MGME1: variants seen among roughly 807,000 people sequenced by gnomAD.
MGME1 encodes chromosome 20 open reading frame 72.
A neutral mutation model predicts 33.0 loss-of-function variants in MGME1; 22 were observed. That is an observed-to-expected ratio of 0.67 (90% CI 0.48 to 0.95). The LOEUF is 0.95. MGME1 is among the 40% of genes least tolerant of loss of function. The pLI, the probability that MGME1 is intolerant of heterozygous loss-of-function variation, is 0.00. For missense variants in MGME1, 383 were observed against 397.8 expected (o/e 0.96, Z 0.32); for synonymous variants, 133 against 144.0 (o/e 0.92, Z 0.55).
chr20:17,982,399 C>T (rs868637702), intron 3 of MGME1, among the ~76,000 whole-genome samples: 49 of 152,240 alleles, frequency 3.2e-4, no homozygotes, highest in Non-Finnish European at 6.0e-4. Flanking sequence ...GGATTACAGA[C>T]ATGAGCCACC....
At chr20:17,982,657 T>C (rs968016129) in intron 3 of MGME1, among the ~76,000 whole-genome samples, 1 of 152,218 alleles carries the variant, frequency 6.6e-6, no homozygotes, top group Non-Finnish European at 1.5e-5. Context: ...TTTGATAACA[T>C]TGTATTTTTA....
chr20:17,974,409 C>T (rs2035808258), intron 2 of MGME1, among the ~76,000 whole-genome samples: 2 of 152,090 alleles, frequency 1.3e-5, no homozygotes, highest in Admixed American at 1.3e-4. Flanking sequence ...GCTTACTATG[C>T]AAGCGCTTGG....
intron 2 of MGME1, chr20:17,972,860 T>A: frequency 1.3e-6 from 1 of 758,418 alleles, no homozygotes; most frequent in African/African-American, 1.9e-5. Flanking sequence ...AGTGTGTAGA[T>A]GAATGCTATA....
At chr20:17,977,234 G>A (rs1455944532) in intron 3 of MGME1, among the ~76,000 whole-genome samples, 1 of 151,902 alleles carries the variant, frequency 6.6e-6, no homozygotes, top group Admixed American at 6.6e-5. Flanking sequence ...AAATTAGCCA[G>A]GCGCAGTGGT....
intron 3 of MGME1, among the ~76,000 whole-genome samples, chr20:17,984,839 C>T (rs559702809): frequency 1.3e-5 from 2 of 151,524 alleles, no homozygotes; most frequent in African/African-American, 4.8e-5. Flanking sequence ...AGTTCGAGAC[C>T]AGCCTAGGCA....
intron 2 of MGME1, among the ~76,000 whole-genome samples, chr20:17,974,400 C>T (rs1481311135): frequency 6.6e-6 from 1 of 152,150 alleles, no homozygotes; most frequent in Non-Finnish European, 1.5e-5. Context: ...GAGGAGGGGG[C>T]TTACTATGCA....
chr20:17,977,127 G>A (rs2035889875), intron 3 of MGME1, among the ~76,000 whole-genome samples: 1 of 152,008 alleles, frequency 6.6e-6, no homozygotes, highest in Non-Finnish European at 1.5e-5. Flanking sequence ...TGTAATCCCA[G>A]CACTTTGGGA....
intron 3 of MGME1, among the ~76,000 whole-genome samples, chr20:17,984,683 C>G (rs557416712): frequency 6.6e-6 from 1 of 151,948 alleles, no homozygotes; most frequent in East Asian, 1.9e-4. Flanking sequence ...TAGTTTTTAA[C>G]AAAGGTTTAA....
At position 17,990,410 on chromosome 20, in the gene MGME1, T is replaced by TGGGGGGGGGGGGGGGGGGGGG. The variant is rs537608341; in HGVS notation, c.*314_*315insGGGGGGGGGGGGGGGGGGGGG. ...ACTCTTGTACTCCCTTGAGGGACAT[T>TGGGGGGGGGGGGGGGGGGGGG]GGGGGGGGGGGGGCGTGGTCCCAGG... is the stretch of plus-strand genomic sequence containing the variant. On this transcript the variant is annotated 3_prime_UTR_variant, in exon 5 of 5. Transcript: ENST00000377710. The TGGGGGGGGGGGGGGGGGGGGG allele has an allele frequency of 2.2e-5, 1 of 44,504 alleles. No homozygotes were observed. The highest frequency in any genetic ancestry group is 1.4e-4 in the African/African-American group (1 of 7,190). The allele number at this position is 44,504 out of a possible 1,614,324, so 2.8% of individuals were successfully genotyped here. A position where few individuals can be genotyped will look rare whatever the true frequency, so the allele number is the denominator to read the frequency against.
rs777779049 is a variant in MGME1, at chr20:17,990,197, C to T, written c.*88C>T. 1 of 1,124,740 alleles carries T rather than the reference C, an allele frequency of 8.9e-7. No individual in the cohort carries two copies. The highest frequency in any genetic ancestry group is 1.6e-5 in the African/African-American group (1 of 64,478). 69.7% of individuals were successfully genotyped at this position (1,124,740 alleles called of 1,614,324 possible). On this transcript the variant is annotated 3_prime_UTR_variant, in exon 5 of 5. Coordinates refer to ENST00000377710, the MANE Select transcript of MGME1 (RefSeq NM_052865.4). ...TTTACTCCAGTGTAAAAATGAGGTG[C>T]CACTGGATCTGAGTGCTACACGAAC...
chr20:17,973,494 AT>A (rs1206348716), intron 2 of MGME1, among the ~76,000 whole-genome samples: 2 of 152,006 alleles, frequency 1.3e-5, no homozygotes, highest in South Asian at 2.1e-4. Flanking sequence ...CAAAAAAAAA[AT>A]TTTTTTGAAT....
intron 3 of MGME1, among the ~76,000 whole-genome samples, chr20:17,985,486 GAAGA>G (rs1459071895): frequency 1.3e-5 from 2 of 152,190 alleles, no homozygotes; most frequent in Non-Finnish European, 2.9e-5. Context: ...ATGTATTATT[GAAGA>G]AAGAAAAACG....
chr20:17,988,218 A>G lies in MGME1; in HGVS notation c.784A>G (p.Ile262Val). 9.3e-6 allele frequency: 15 copies of G among 1,614,174 alleles called. No individual in the cohort carries two copies. Among genetic ancestry groups the G allele is most frequent in the Non-Finnish European group, 1.3e-5 (15 of 1,180,004 alleles). Residue 262 changes from isoleucine to valine, a missense_variant, in exon 4 of 5, where the codon ATT becomes GTT. Physicochemically the swap from Ile to Val is conservative, Grantham distance 29 (BLOSUM62 3). Coordinates refer to ENST00000377710, the MANE Select transcript of MGME1 (RefSeq NM_052865.4). ...WKTSEKPKPF[I>V]QSTFDNPLQV... ...GACATCAGAGAAACCAAAGCCTTTT[A>G]TTCAAAGTACATTTGACAACCCACT...
Position 17,975,621 on chromosome 20 carries a change from T to C in MGME1, c.512-63T>C, listed in dbSNP as rs2035844475. 3.3e-6 allele frequency: 4 copies of C among 1,212,278 alleles called. No homozygotes were observed. The African/African-American group carries it at 6.1e-5, about 19-fold the overall frequency. The allele number at this position is 1,212,278 out of a possible 1,614,324, so 75.1% of individuals were successfully genotyped here. On this transcript the variant is annotated intron_variant, in intron 2 of 4. Coordinates refer to ENST00000377710, the MANE Select transcript of MGME1 (RefSeq NM_052865.4). The stretch of plus-strand genomic sequence containing the variant: ...TTGTTTCAGGGCGTTTTAGAGTATT[T>C]GTTTTTCAGTGTTAGCTTTGTTTGT...
At chr20:17,971,449 A>G (rs934324539) in intron 2 of MGME1, among the ~76,000 whole-genome samples, 6 of 152,222 alleles carry the variant, frequency 3.9e-5, no homozygotes, top group Non-Finnish European at 8.8e-5. Flanking sequence ...GGCATCTTAC[A>G]GTTTTGTATT....
At chr20:17,973,912 C>T (rs1167050023) in intron 2 of MGME1, among the ~76,000 whole-genome samples, 1 of 152,106 alleles carries the variant, frequency 6.6e-6, no homozygotes, top group East Asian at 1.9e-4. Context: ...AACTTACAAT[C>T]CCTATTTTGC....
chr20:17,975,554 CAAAAAAAAAAAAAAG>C, intron 2 of MGME1, 115 bp from the exon 3 acceptor site: 1 of 566,710 alleles, frequency 1.8e-6, no homozygotes, highest in Non-Finnish European at 2.9e-6. Context: ...AGACTCCATC[CAAAAAAAAAAAAAAG>C]AAAAAAAAAT....
chr20:17,971,637 A>G (rs1362446843), intron 2 of MGME1, among the ~76,000 whole-genome samples: 1 of 152,150 alleles, frequency 6.6e-6, no homozygotes, highest in Non-Finnish European at 1.5e-5. Flanking sequence ...TGCACCAGAG[A>G]GGAATTTCTG....
intron 2 of MGME1, among the ~76,000 whole-genome samples, chr20:17,973,495 T>A (rs8117043): frequency 0.032 from 4,803 of 151,488 alleles, 256 homozygotes; most frequent in African/African-American, 0.11. Flanking sequence ...AAAAAAAAAA[T>A]TTTTTTGAAT....
Sources: allele counts gnomAD v4.1 joint callset (sites outside exome capture counted in the v4.1 genomes callset), GRCh38; gene constraint gnomAD v4.1.1; transcripts MANE v1.5; gene names NCBI Gene and HGNC (gene_info 2026-07-23, HGNC 2026-07-21).